The following ASCC3 variants were observed in gnomAD, a reference collection of about 807,000 sequenced individuals.
The protein encoded by ASCC3 is activating signal cointegrator 1 complex subunit 3.
In ASCC3, 158 loss-of-function variants were observed where a neutral mutation model predicts 256.3. That is an observed-to-expected ratio of 0.62 (90% CI 0.54 to 0.70). The LOEUF (loss-of-function observed/expected upper bound fraction) is 0.70. ASCC3 is among the 30% of genes least tolerant of loss of function. ASCC3 has a pLI of 0.00. For synonymous variants in ASCC3, 948 were observed against 883.4 expected (o/e 1.07, Z -1.30); for missense variants, 2,259 against 2,626.0 (o/e 0.86, Z 3.05).
chr6:100,829,939 T>G (rs1771540307), intron 4 of ASCC3, among the ~76,000 whole-genome samples: 1 of 152,032 alleles, frequency 6.6e-6, no homozygotes, highest in Admixed American at 6.6e-5. Context: ...CAACAGTCGA[T>G]CTGATAACCA....
chr6:100,796,630 A>G (rs1437071250), intron 8 of ASCC3, among the ~76,000 whole-genome samples: 1 of 152,112 alleles, frequency 6.6e-6, no homozygotes, highest in Non-Finnish European at 1.5e-5. Flanking sequence ...GCTATGTGCA[A>G]ACACAGGAAG....
At chr6:100,798,941 C>G in intron 7 of ASCC3, 103 bp from the exon 8 acceptor site, 2 of 1,059,498 alleles carry the variant, frequency 1.9e-6, no homozygotes, top group Non-Finnish European at 2.8e-6. Flanking sequence ...GGTTTTATAA[C>G]AAAGCACTGG....
rs375540440 is a variant in ASCC3, at chr6:100,738,493, G to C, written c.1738-12790C>G. Among the ~76,000 whole-genome samples, 201 of 152,122 alleles carry C rather than the reference G, an allele frequency of 1.3e-3. 6 individuals are homozygous for C. In the South Asian group the frequency reaches 0.027, roughly 20 times the overall value. On this transcript the variant is annotated intron_variant, in intron 10 of 41. Coordinates refer to ENST00000369162, the MANE Select transcript of ASCC3 (RefSeq NM_006828.4). ...TAGGGAATCCTTTCCCCACTGCTTG[G>C]TTTTGTCTGGTTTTTGAAGATCAGA...
In ASCC3 at chr6:100,627,964, C is replaced by G. The variant is rs1449596603; in HGVS notation, c.4399G>C (p.Glu1467Gln). ...AAATTTGTTCGAGATACAATGACCTCTAGAACAGGGCCTCTTTCCTCCCCT... is the reference window on the plus strand; with the variant it reads ...AAATTTGTTCGAGATACAATGACCTGTAGAACAGGGCCTCTTTCCTCCCCT... ...LLGEERGPVL[E>Q]VIVSRTNFIS... The change falls in exon 28 of 42, where the codon GAG becomes CAG. Residue 1467 changes from glutamate to glutamine, a missense_variant. Glu to Gln is a conservative substitution (Grantham distance 29). Transcript: ENST00000369162. 6.2e-7 allele frequency: 1 copy of G among 1,613,452 alleles called. No individual in the cohort carries two copies. The highest frequency in any genetic ancestry group is 1.1e-5 in the South Asian group (1 of 91,064).
intron 1 of ASCC3, among the ~76,000 whole-genome samples, chr6:100,879,309 A>G (rs1769163948): frequency 6.6e-6 from 1 of 152,104 alleles, no homozygotes; most frequent in Non-Finnish European, 1.5e-5. Context: ...ACATAGGCAT[A>G]ATTGATTAAA....
chr6:100,568,625 A>T (rs968060707), intron 36 of ASCC3, among the ~76,000 whole-genome samples: 1 of 151,662 alleles, frequency 6.6e-6, no homozygotes, highest in African/African-American at 2.4e-5. Context: ...TGGTTTGTGA[A>T]TATTTTCTGT....
chr6:100,676,283 C>G (rs1333511207), intron 14 of ASCC3, among the ~76,000 whole-genome samples: 1 of 152,122 alleles, frequency 6.6e-6, no homozygotes, highest in Non-Finnish European at 1.5e-5. Flanking sequence ...ATCATTCTAT[C>G]TGTTTCTCAT....
At chr6:100,753,944 C>T (rs1781058699) in intron 10 of ASCC3, among the ~76,000 whole-genome samples, 1 of 152,090 alleles carries the variant, frequency 6.6e-6, no homozygotes, top group South Asian at 2.1e-4. Context: ...CACTATATGA[C>T]ACTGCAATTT....
chr6:100,796,269 T>C (rs1769608349), intron 8 of ASCC3, among the ~76,000 whole-genome samples: 5 of 152,212 alleles, frequency 3.3e-5, no homozygotes, highest in South Asian at 2.1e-4. Context: ...ACAGTCACTC[T>C]AGAAAACGGT....
At chr6:100,805,052 C>T (rs1233512676) in intron 5 of ASCC3, among the ~76,000 whole-genome samples, 4 of 152,026 alleles carry the variant, frequency 2.6e-5, no homozygotes, top group African/African-American at 9.7e-5. Context: ...ACATATGTAC[C>T]ATGGAACACT....
intron 8 of ASCC3, among the ~76,000 whole-genome samples, chr6:100,788,626 A>T (rs1482281987): frequency 1.3e-5 from 2 of 152,076 alleles, no homozygotes; most frequent in Non-Finnish European, 2.9e-5. Flanking sequence ...GCCATGAAAA[A>T]AAAAACAAGT....
At chr6:100,768,150 ATAG>A (rs1781751733) in intron 8 of ASCC3, among the ~76,000 whole-genome samples, 1 of 152,158 alleles carries the variant, frequency 6.6e-6, no homozygotes, top group East Asian at 1.9e-4. Context: ...CGCAGCAGTA[ATAG>A]TAGGAACAAA....
At chr6:100,624,638 T>G (rs1774137800) in intron 30 of ASCC3, among the ~76,000 whole-genome samples, 1 of 151,920 alleles carries the variant, frequency 6.6e-6, no homozygotes, top group Non-Finnish European at 1.5e-5. Flanking sequence ...TTTTTAGAAC[T>G]CTATACTGAG....
In ASCC3 at chr6:100,625,964, A is replaced by G. The variant is rs372643648; in HGVS notation, c.4643-630T>C. ...AAGATAACGTAGAAGAGGGCTGAAG[A>G]GAATACTATGCCTGAATGAGTATCT... On this transcript the variant is annotated intron_variant, in intron 29 of 41. Coordinates refer to ENST00000369162, the MANE Select transcript of ASCC3 (RefSeq NM_006828.4). Among the ~76,000 whole-genome samples, 4 of 152,158 alleles carry G rather than the reference A, an allele frequency of 2.6e-5. No homozygotes were observed. In the East Asian group the frequency reaches 5.8e-4, roughly 22 times the overall value.
intron 11 of ASCC3, among the ~76,000 whole-genome samples, chr6:100,723,737 C>G (rs1004178683): frequency 1.3e-5 from 2 of 150,244 alleles, no homozygotes; most frequent in African/African-American, 4.9e-5. Flanking sequence ...ATTATGATAT[C>G]GTATCTAGGT....
At chr6:100,624,198 G>A (rs1418737955) in intron 30 of ASCC3, among the ~76,000 whole-genome samples, 1 of 151,610 alleles carries the variant, frequency 6.6e-6, no homozygotes, top group Non-Finnish European at 1.5e-5. Flanking sequence ...AGATTAATAT[G>A]TATATATGTA....
intron 14 of ASCC3, among the ~76,000 whole-genome samples, chr6:100,679,413 A>C (rs1458400259): frequency 6.6e-6 from 1 of 152,196 alleles, no homozygotes; most frequent in Non-Finnish European, 1.5e-5. Flanking sequence ...AATTATAACC[A>C]TATAGAAAGG....
At chr6:100,549,531 A>G (rs746228412) in intron 36 of ASCC3, among the ~76,000 whole-genome samples, 1 of 151,894 alleles carries the variant, frequency 6.6e-6, no homozygotes, top group Non-Finnish European at 1.5e-5. Context: ...GATCAGCTAT[A>G]TAAGACAGTG....
At position 100,593,761 on chromosome 6, in the gene ASCC3, G is replaced by C. The variant is rs116979546; in HGVS notation, c.5304-3702C>G. ...AACAATGACACAAATAGCGAAAGTG[G>C]TTGCAGGAACAGCTGAAACTACCAC... On this transcript the variant is annotated intron_variant, in intron 34 of 41. Transcript: ENST00000369162. Among the ~76,000 whole-genome samples the C allele has an allele frequency of 8.9e-3, 1,348 of 152,160 alleles. 46 individuals carry two copies. The East Asian group carries it at 0.099, about 11-fold the overall frequency.
Sources: gnomAD v4.1 joint callset for allele counts (sites outside exome capture counted in the v4.1 genomes callset) on GRCh38, gnomAD v4.1.1 for gene constraint, MANE v1.5 for transcripts, NCBI Gene and HGNC (gene_info 2026-07-23, HGNC 2026-07-21) for gene names.